CHTF18: variants seen among roughly 807,000 people sequenced by gnomAD.
CHTF18 encodes the protein chromosome transmission fidelity factor 18, also known as chromosome transmission fidelity protein 18 homolog.
A neutral mutation model predicts 113.4 loss-of-function variants in CHTF18; 151 were observed. That is an observed-to-expected ratio of 1.33 (90% CI 1.17 to 1.52). CHTF18 has a LOEUF of 1.52. Among genes scored for constraint, CHTF18 ranks in the 40% most tolerant of loss-of-function variants. The pLI is 0.00. For missense variants in CHTF18, 1,982 were observed against 1,381.6 expected (o/e 1.43, Z -6.89); for synonymous variants, 916 against 598.8 (o/e 1.53, Z -7.74).
In CHTF18 at chr16:797,850, C is replaced by T. The variant is rs1279301197; in HGVS notation, c.2803C>T (p.Pro935Ser). 1 of 1,605,168 alleles carries T rather than the reference C, an allele frequency of 6.2e-7. No individual in the cohort carries two copies. Among genetic ancestry groups the T allele is most frequent in the African/African-American group, 1.3e-5 (1 of 74,812 alleles). ...TAVPSAGDTA[P>S]EQDSVERRMG... ...CTGTGGCCCCGCAGGGGACACGGCC[C>T]CGGAGCAGGACTCAGTGGAGCGGCG... Residue 935 changes from proline (P) to serine (S), a missense_variant, in exon 22 of 22, where the codon CCG becomes TCG. Transcript: ENST00000262315.
At chr16:793,329 C>T (rs1022354622) in intron 14 of CHTF18, 55 bp downstream of exon 14, 42 of 1,584,758 alleles carry the variant, frequency 2.7e-5, no homozygotes, top group Non-Finnish European at 3.1e-5. Context: ...GACCTCAGGA[C>T]GCTAGCCCTG....
chr16:796,873 C>T lies in CHTF18; in HGVS notation c.2601+12C>T. 1.0e-5 allele frequency: 16 copies of T among 1,584,454 alleles called. No homozygotes were observed. The highest frequency in any genetic ancestry group is 1.4e-5 in the Non-Finnish European group (16 of 1,163,654). On this transcript the variant is annotated intron_variant, in intron 19 of 21. Transcript: ENST00000262315. ...AGAACAGCCCCCAGGTGAGCCCACC[C>T]AGGCTCTGGAGCAGGTTGCAGTCTG...
At position 789,302 on chromosome 16, in the gene CHTF18, C is replaced by G. The variant is rs762444998; in HGVS notation, c.379C>G (p.Pro127Ala). The change falls in exon 3 of 22, where the codon CCG becomes GCG. Residue 127 changes from proline (P) to alanine (A), a missense_variant. Coordinates refer to ENST00000262315, the MANE Select transcript of CHTF18 (RefSeq NM_022092.3). ...GGAGCCGCCCCCTCCCGACTCCTCG[C>G]CGACGGACATCACCCCGCCGCCGAG... is the stretch of plus-strand genomic sequence containing the variant. ...MEEPPPPDSS[P>A]TDITPPPSPE... 6.3e-7 allele frequency: 1 copy of G among 1,596,670 alleles called. No individual in the cohort carries two copies. The highest frequency in any genetic ancestry group is 8.5e-7 in the Non-Finnish European group (1 of 1,173,082).
Position 793,109 on chromosome 16 carries a change from G to A in CHTF18, c.1672-35G>A, listed in dbSNP as rs530404034. 1.9e-6 allele frequency: 3 copies of A among 1,566,508 alleles called. No homozygotes were observed. The South Asian group carries it at 3.6e-5, about 19-fold the overall frequency. On this transcript the variant is annotated intron_variant, in intron 13 of 21. Transcript: ENST00000262315. ...CGGGTGGGGTGGGGTGGGGTCAGGA[G>A]TTGGCCGCTTCTCATGCCCCCGCCC...
chr16:797,329 C>A (rs970778831), intron 20 of CHTF18, among the ~76,000 whole-genome samples: 4 of 151,412 alleles, frequency 2.6e-5, no homozygotes, highest in Admixed American at 1.3e-4. Context: ...TGGGGTGGGG[C>A]CAGGGTACCT....
chr16:789,455 A>G lies in CHTF18; in HGVS notation c.438-92A>G, dbSNP rs568918939. ...CCTGGATGAGGCCTGGGGGGTGGGG[A>G]GGGTTCCATGGCTGAGAGCAGTCTC... On this transcript the variant is annotated intron_variant, in intron 3 of 21. Transcript: ENST00000262315. 1.0e-3 allele frequency: 1,529 copies of G among 1,535,028 alleles called. 10 individuals carry two copies. In the African/African-American group the frequency reaches 0.019, roughly 19 times the overall value.
chr16:790,408 G>T lies in CHTF18; in HGVS notation c.752+9G>T, dbSNP rs751029747. The T allele has an allele frequency of 3.7e-6, 6 of 1,612,430 alleles. No individual in the cohort carries two copies. The highest frequency in any genetic ancestry group is 5.1e-6 in the Non-Finnish European group (6 of 1,179,780). On this transcript the variant is annotated intron_variant, in intron 6 of 21. Coordinates refer to ENST00000262315, the MANE Select transcript of CHTF18 (RefSeq NM_022092.3). The stretch of plus-strand genomic sequence containing the variant: ...TCAGACACCCTGCACAGGTGACTTG[G>T]TTGGCCCTTCCGCCCTGGGGACCCT...
In CHTF18 at chr16:789,710, G is replaced by A. The variant is rs764840563; in HGVS notation, c.601G>A (p.Val201Met). 18 of 1,584,716 alleles carry A rather than the reference G, an allele frequency of 1.1e-5. No individual in the cohort carries two copies. The highest frequency in any genetic ancestry group is 1.5e-5 in the Non-Finnish European group (17 of 1,171,266). ...VLRADPMAPG[V>M]QGSLLHVPWR... ...GCGTGCTGACCCCATGGCCCCGGGG[G>A]TGCAGGTGCGTGGCTGTGGCCTTCC... Residue 201 changes from valine (V) to methionine (M), a missense_variant, in exon 4 of 22, where the codon GTG (valine) becomes ATG (methionine). Val to Met is a conservative substitution (Grantham distance 21). Transcript: ENST00000262315.
At position 790,662 on chromosome 16, in the gene CHTF18, A is replaced by C. The variant is rs1249651671; in HGVS notation, c.890A>C (p.Asp297Ala). The C allele has an allele frequency of 1.3e-6, 2 of 1,566,436 alleles. No homozygotes were observed. The highest frequency in any genetic ancestry group is 1.4e-5 in the African/African-American group (1 of 73,296). ...CGCCACTACACGGAGCTGCTCAGTG[A>C]TGACGTGAGGTCTTGTTCTCACTCA... ...APRHYTELLSDDFTNRCLLKW... is the reference protein window; with the variant it reads ...APRHYTELLSADFTNRCLLKW... The change falls in exon 7 of 22, where the codon GAT (aspartate) becomes GCT (alanine). Residue 297 changes from aspartate (D) to alanine (A), a missense_variant. Physicochemically the swap from Asp to Ala is moderately radical, Grantham distance 126 (BLOSUM62 -2). Coordinates refer to ENST00000262315, the MANE Select transcript of CHTF18 (RefSeq NM_022092.3).
At position 789,361 on chromosome 16, in the gene CHTF18, G is replaced by C; in HGVS notation, c.437+1G>C. ...ACCTCGCAGAGCTTTGGGGCCACGGGTGTGTGGCTTGGACATGGGCGTCCC... is the reference window on the plus strand; with the variant it reads ...ACCTCGCAGAGCTTTGGGGCCACGGCTGTGTGGCTTGGACATGGGCGTCCC... On this transcript the variant is annotated splice_donor_variant, in intron 3 of 21. Coordinates refer to ENST00000262315, the MANE Select transcript of CHTF18 (RefSeq NM_022092.3). LOFTEE classifies it high-confidence loss of function. The C allele has an allele frequency of 1.3e-6, 2 of 1,583,924 alleles. No homozygotes were observed. Among genetic ancestry groups the C allele is most frequent in the Non-Finnish European group, 8.6e-7 (1 of 1,166,286 alleles).
At chr16:796,523 C>A in intron 18 of CHTF18, 194 bp from the exon 19 acceptor site, 2 of 627,610 alleles carry the variant, frequency 3.2e-6, no homozygotes, top group Non-Finnish European at 5.4e-6. Flanking sequence ...CGTACACTTG[C>A]AGTTGGGGAA....
intron 4 of CHTF18, 33 bp downstream of exon 4, chr16:789,748 G>A (rs1356155325): frequency 6.5e-7 from 1 of 1,544,270 alleles, no homozygotes; most frequent in Non-Finnish European, 8.7e-7. Flanking sequence ...CACGGTGGGT[G>A]GGCCAGTGCT....
chr16:790,465 G>T (rs1415644210), intron 6 of CHTF18, 60 bp from the exon 7 acceptor site: 3 of 1,609,728 alleles, frequency 1.9e-6, no homozygotes, highest in African/African-American at 2.7e-5. Flanking sequence ...CTAGCTCCTA[G>T]CGTGTGGGTT....
chr16:797,832 C>T lies in CHTF18; in HGVS notation c.2792-7C>T. 1.3e-6 allele frequency: 2 copies of T among 1,599,072 alleles called. No homozygotes were observed. The highest frequency in any genetic ancestry group is 2.2e-5 in the South Asian group (2 of 89,572). ...TACAGCTGAGGAGCAACCCTGTGGC[C>T]CCGCAGGGGACACGGCCCCGGAGCA... On this transcript the variant is annotated splice_polypyrimidine_tract_variant and splice_region_variant and intron_variant, in intron 21 of 21. Coordinates refer to ENST00000262315, the MANE Select transcript of CHTF18 (RefSeq NM_022092.3).
chr16:795,866 C>T (rs370977438), intron 17 of CHTF18, 32 bp downstream of exon 17: 63 of 1,606,518 alleles, frequency 3.9e-5, no homozygotes, highest in African/African-American at 2.3e-4. Context: ...GGGGATTCCC[C>T]GCCTGCTGCC....
rs756585331 is a variant in CHTF18 at position 791,859 on chromosome 16, G to T, written c.1113G>T (p.Leu371=). 3 of 1,605,028 alleles carry T rather than the reference G, an allele frequency of 1.9e-6. No homozygotes were observed. Among genetic ancestry groups the T allele is most frequent in the Non-Finnish European group, 1.7e-6 (2 of 1,176,814 alleles). The stretch of plus-strand genomic sequence containing the variant: ...ATCTACCTGGGCTGCAGGTGGCACT[G>T]CTCTGTGGGCCCCCGGGGCTGGGGA... ...PSQRPKQKVA[L]LCGPPGLGKT... The change falls in exon 9 of 22, where the codon CTG becomes CTT. Residue 371 remains leucine (L), a synonymous_variant. Transcript: ENST00000262315.
Position 795,319 on chromosome 16 carries a change from A to G in CHTF18, c.2138A>G (p.His713Arg). Reference protein sequence around the residue: ...VAFHVLFASSHTPRITFPSSQ... With the variant: ...VAFHVLFASSRTPRITFPSSQ... ...TTCCATGTGCTGTTTGCTTCCAGCC[A>G]CACACCCAGGATCACCTTCCCCAGC... The change falls in exon 16 of 22, where the codon CAC becomes CGC. Residue 713 changes from histidine to arginine, a missense_variant. Physicochemically the swap from His to Arg is conservative, Grantham distance 29. Coordinates refer to ENST00000262315, the MANE Select transcript of CHTF18 (RefSeq NM_022092.3). The G allele has an allele frequency of 1.3e-6, 2 of 1,547,100 alleles. No individual in the cohort carries two copies. The highest frequency in any genetic ancestry group is 1.7e-6 in the Non-Finnish European group (2 of 1,146,468).
rs758923255 is a variant in CHTF18 at position 788,693 on chromosome 16, C to T, written c.9C>T (p.Asp3=). Reference sequence around the variant, plus strand: ...TCGGGCTCGCGGACGGTATGGAGGACTACGAGCAGGAGCTGTGCGGCGTCG... The same window carrying T: ...TCGGGCTCGCGGACGGTATGGAGGATTACGAGCAGGAGCTGTGCGGCGTCG... ME[D]YEQELCGVED... The change falls in exon 1 of 22, where the codon GAC becomes GAT. Residue 3 remains aspartate, a synonymous_variant. Coordinates refer to ENST00000262315, the MANE Select transcript of CHTF18 (RefSeq NM_022092.3). 8 of 1,593,820 alleles carry T rather than the reference C, an allele frequency of 5.0e-6. No individual in the cohort carries two copies. The highest frequency in any genetic ancestry group is 4.7e-5 in the East Asian group (2 of 42,820).
Position 792,242 on chromosome 16 carries a change from G to A in CHTF18, c.1221G>A (p.Glu407=), listed in dbSNP as rs376058439. 13 of 1,568,920 alleles carry A rather than the reference G, an allele frequency of 8.3e-6. No homozygotes were observed. In the African/African-American group the frequency reaches 1.6e-4, roughly 20 times the overall value. The part of the protein sequence containing the change: ...EMNASDDRSP[E]VFRTRIEAAT... ...ATTGCAGTGACGACCGTAGCCCGGAGGTCTTCCGCACACGCATCGAGGCGG... is the reference window on the plus strand; with the variant it reads ...ATTGCAGTGACGACCGTAGCCCGGAAGTCTTCCGCACACGCATCGAGGCGG... Residue 407 remains glutamate (E), a synonymous_variant, in exon 10 of 22, where the codon GAG becomes GAA. Transcript: ENST00000262315.
Sources: allele counts gnomAD v4.1 joint callset (sites outside exome capture counted in the v4.1 genomes callset), GRCh38; gene constraint gnomAD v4.1.1; transcripts MANE v1.5; gene names NCBI Gene and HGNC (gene_info 2026-07-23, HGNC 2026-07-21).